The following UPF3A variants were observed in gnomAD, a reference collection of about 807,000 sequenced individuals.
UPF3A encodes UPF3A regulator of nonsense mediated mRNA decay.
In UPF3A, 42 loss-of-function variants were observed where a neutral mutation model predicts 53.5. That is an observed-to-expected ratio of 0.78 (90% CI 0.61 to 1.01). The LOEUF (loss-of-function observed/expected upper bound fraction) is 1.01. UPF3A is among the 50% of genes least tolerant of loss of function. The pLI is 0.00. For missense variants in UPF3A, 575 were observed against 598.0 expected, an observed-to-expected ratio of 0.96 and a Z score of 0.40; for synonymous variants, 237 against 225.3, an observed-to-expected ratio of 1.05 and a Z score of -0.47.
At chr13:114,286,009 C>T in intron 3 of UPF3A, 1 of 340,056 alleles carries the variant, frequency 2.9e-6, no homozygotes. Context: ...TTCAGTTATG[C>T]AACCACCACA....
intron 5 of UPF3A, among the ~76,000 whole-genome samples, chr13:114,289,545 T>G (rs1293250333): frequency 1.3e-5 from 2 of 151,922 alleles, no homozygotes; most frequent in African/African-American, 2.4e-5. Flanking sequence ...AAAAAAAATT[T>G]TAGGCAATTC....
In UPF3A at chr13:114,284,915, A is replaced by C. The variant is rs115526311; in HGVS notation, c.422-1387A>C. On this transcript the variant is annotated intron_variant, in intron 3 of 9. Transcript: ENST00000375299. Reference sequence around the variant, plus strand: ...CGATTCCCCCCACATTGGCCTCCCAAAGTGCTGGGCTACAGGCGTGAGCCG... The same window carrying C: ...CGATTCCCCCCACATTGGCCTCCCACAGTGCTGGGCTACAGGCGTGAGCCG... Among the ~76,000 whole-genome samples, 1,301 of 152,316 alleles carry C rather than the reference A, an allele frequency of 8.5e-3. 18 individuals are homozygous for C. The highest frequency in any genetic ancestry group is 0.03 in the African/African-American group (1,239 of 41,572).
At chr13:114,298,240 G>T (rs1331673953) in intron 7 of UPF3A, among the ~76,000 whole-genome samples, 1 of 152,136 alleles carries the variant, frequency 6.6e-6, no homozygotes, top group African/African-American at 2.4e-5. Context: ...GAGCGTGGTG[G>T]TGGGCGCCTG....
At chr13:114,296,463 A>G (rs2086036815) in intron 7 of UPF3A, among the ~76,000 whole-genome samples, 1 of 152,192 alleles carries the variant, frequency 6.6e-6, no homozygotes, top group Non-Finnish European at 1.5e-5. Context: ...TGGAAGCTCC[A>G]AGTACCACTA....
chr13:114,287,832 C>A (rs1489507908), intron 5 of UPF3A, among the ~76,000 whole-genome samples: 1 of 151,696 alleles, frequency 6.6e-6, no homozygotes, highest in East Asian at 1.9e-4. Flanking sequence ...AGCTTTTTTT[C>A]CCCCCACTCT....
intron 7 of UPF3A, among the ~76,000 whole-genome samples, chr13:114,295,068 C>T (rs1218074827): frequency 2.6e-4 from 39 of 149,774 alleles, no homozygotes; most frequent in African/African-American, 6.7e-4. Flanking sequence ...GCCAAGATTG[C>T]GCCACTGCAC....
At position 114,282,906 on chromosome 13, in the gene UPF3A, A is replaced by G. The variant is rs1594746488; in HGVS notation, c.384A>G (p.Arg128=). The change falls in exon 3 of 10, where the codon AGA becomes AGG. Residue 128 remains arginine, a synonymous_variant. Transcript: ENST00000375299. ...ATCCTGATGACATCCTTCTTTTTAG[A>G]GATCGTTTTGATGGATATATCTTCC... ...FRNPDDILLF[R]DRFDGYIFLD... 2 of 1,612,260 alleles carry G rather than the reference A, an allele frequency of 1.2e-6. No individual in the cohort carries two copies. The highest frequency in any genetic ancestry group is 3.3e-5 in the Admixed American group (2 of 59,884).
rs143755276 is a variant in UPF3A, at chr13:114,281,639, C to G, written c.-1C>G. The G allele has an allele frequency of 4.4e-3, 6,395 of 1,467,830 alleles. 250 individuals carry two copies. The African/African-American group carries it at 0.085, about 19-fold the overall frequency. The allele number at this position is 1,467,830 out of a possible 1,614,324, so 90.9% of individuals were successfully genotyped here. A position where few individuals can be genotyped will look rare whatever the true frequency, so the allele number is the denominator to read the frequency against. ...GGCTGCGGCTCGGCGGAGAGTGCGGCATGCGCTCGGAAAAGGAGGGGGCCG... is the reference window on the plus strand; with the variant it reads ...GGCTGCGGCTCGGCGGAGAGTGCGGGATGCGCTCGGAAAAGGAGGGGGCCG... On this transcript the variant is annotated 5_prime_UTR_variant, in exon 1 of 10. Transcript: ENST00000375299.
chr13:114,293,393 A>G (rs1038686902), intron 7 of UPF3A, among the ~76,000 whole-genome samples: 6 of 152,154 alleles, frequency 3.9e-5, no homozygotes, highest in South Asian at 4.1e-4. Context: ...TAAAAAAAAA[A>G]AAGTTTCCCT....
intron 5 of UPF3A, among the ~76,000 whole-genome samples, chr13:114,288,490 C>T (rs750916698): frequency 9.2e-5 from 14 of 152,146 alleles, no homozygotes; most frequent in South Asian, 2.1e-4. Flanking sequence ...TCACTGCAGG[C>T]GCAGAGTGCA....
chr13:114,292,479 C>T (rs2085397774), intron 7 of UPF3A, among the ~76,000 whole-genome samples: 1 of 143,194 alleles, frequency 7.0e-6, no homozygotes, highest in African/African-American at 2.7e-5. Flanking sequence ...TCATTTTCGG[C>T]TCAAGGCGTA....
At chr13:114,286,652 C>G (rs368352413) in intron 5 of UPF3A, 23 bp downstream of exon 5, 35 of 1,567,644 alleles carry the variant, frequency 2.2e-5, no homozygotes, top group Admixed American at 7.5e-5. Context: ...CATTTCTTCT[C>G]TTTTCTTTAT....
intron 8 of UPF3A, among the ~76,000 whole-genome samples, chr13:114,301,092 C>A (rs186902210): frequency 3.3e-5 from 5 of 151,696 alleles, no homozygotes; most frequent in Non-Finnish European, 5.9e-5. Flanking sequence ...GATTTACAGG[C>A]GTGAGACACC....
At chr13:114,288,431 A>C (rs1209156816) in intron 5 of UPF3A, among the ~76,000 whole-genome samples, 1 of 152,132 alleles carries the variant, frequency 6.6e-6, no homozygotes, top group Non-Finnish European at 1.5e-5. Context: ...GGCCGTGCTG[A>C]GCAGTGGAGG....
chr13:114,292,698 A>C lies in UPF3A; in HGVS notation c.846+906A>C, dbSNP rs375379832. Among the ~76,000 whole-genome samples the C allele has an allele frequency of 4.6e-5, 7 of 152,144 alleles. No homozygotes were observed. In the East Asian group the frequency reaches 9.6e-4, roughly 21 times the overall value. ...GTGTCACATGGGTAAATCAAGTGTC[A>C]CTGGGGTTTGGTGTGCAGATAATTT... On this transcript the variant is annotated intron_variant, in intron 7 of 9. Transcript: ENST00000375299.
intron 5 of UPF3A, 135 bp from the exon 6 acceptor site, chr13:114,291,354 C>T: frequency 1.2e-6 from 1 of 853,326 alleles, no homozygotes; most frequent in South Asian, 2.4e-5. Context: ...TAAAAACTCC[C>T]CTGGAGACAG....
At chr13:114,288,939 T>C (rs963368842) in intron 5 of UPF3A, among the ~76,000 whole-genome samples, 3 of 152,150 alleles carry the variant, frequency 2.0e-5, no homozygotes, top group Admixed American at 2.0e-4. Context: ...CCCCTCCCAT[T>C]TCCATCTCAC....
intron 7 of UPF3A, among the ~76,000 whole-genome samples, chr13:114,292,774 C>G (rs1390360789): frequency 6.6e-6 from 1 of 152,148 alleles, no homozygotes; most frequent in Non-Finnish European, 1.5e-5. Context: ...TCTTCACCCT[C>G]CTCCCATTCT....
chr13:114,294,273 TGG>T (rs11455010), intron 7 of UPF3A, among the ~76,000 whole-genome samples: 1 of 143,074 alleles, frequency 7.0e-6, no homozygotes, highest in African/African-American at 2.6e-5. Flanking sequence ...TTGGTTTTGG[TGG>T]GGGGGGGGTT....
Sources: gnomAD v4.1 joint callset for allele counts (sites outside exome capture counted in the v4.1 genomes callset) on GRCh38, gnomAD v4.1.1 for gene constraint, MANE v1.5 for transcripts, NCBI Gene and HGNC (gene_info 2026-07-23, HGNC 2026-07-21) for gene names.